The following FHIT variants were observed in gnomAD, a reference collection of about 807,000 sequenced individuals.
FHIT encodes bis(5'-adenosyl)-triphosphatase.
A neutral mutation model predicts 17.9 loss-of-function variants in FHIT; 19 were observed. The observed-to-expected ratio is 1.06, with a 90% CI of 0.74 to 1.56. FHIT has a LOEUF of 1.56. Ranked by LOEUF, FHIT falls within the 40% of genes most tolerant of loss-of-function variation. FHIT has a pLI of 0.00. For missense variants in FHIT, 248 were observed against 189.2 expected (o/e 1.31, Z -1.82); for synonymous variants, 81 against 69.7 (o/e 1.16, Z -0.81).
intron 4 of FHIT, among the ~76,000 whole-genome samples, chr3:60,714,155 G>T (rs2041616662): frequency 6.6e-6 from 1 of 152,106 alleles, no homozygotes; most frequent in Non-Finnish European, 1.5e-5. Context: ...ATGTAATCCA[G>T]CATATAAACA....
chr3:60,023,932 G>C (rs1700644083), intron 5 of FHIT, among the ~76,000 whole-genome samples: 2 of 151,412 alleles, frequency 1.3e-5, no homozygotes. Flanking sequence ...AAAGACCAGT[G>C]AACCAGTCCA....
At chr3:59,941,292 G>A (rs901799459) in intron 7 of FHIT, among the ~76,000 whole-genome samples, 2 of 152,224 alleles carry the variant, frequency 1.3e-5, no homozygotes, top group Non-Finnish European at 2.9e-5. Flanking sequence ...GGGCAGGAGG[G>A]TGGATCAGAC....
Position 60,011,311 on chromosome 3 carries a change from T to C in FHIT, c.279+60A>G, listed in dbSNP as rs948970573. ...ATGTGCTGCATATGACTCGTTGTGA[T>C]TTTTTATTAGTTCTCATAATCGCCT... is the stretch of plus-strand genomic sequence containing the variant. On this transcript the variant is annotated intron_variant, in intron 7 of 9. Coordinates refer to ENST00000492590, the MANE Select transcript of FHIT (RefSeq NM_002012.4). The C allele has an allele frequency of 4.6e-6, 7 of 1,532,544 alleles. No individual in the cohort carries two copies. The African/African-American group carries it at 9.5e-5, about 21-fold the overall frequency. 94.9% of individuals were successfully genotyped at this position (1,532,544 alleles called of 1,614,324 possible). A position where few individuals can be genotyped will look rare whatever the true frequency, so the allele number is the denominator to read the frequency against.
intron 4 of FHIT, among the ~76,000 whole-genome samples, chr3:60,768,322 C>A (rs1251986787): frequency 1.3e-5 from 2 of 152,186 alleles, no homozygotes; most frequent in East Asian, 3.9e-4. Context: ...GCTTCTCAAA[C>A]TTTTACCAGA....
At chr3:61,216,490 A>C (rs2039680085) in intron 1 of FHIT, among the ~76,000 whole-genome samples, 1 of 152,206 alleles carries the variant, frequency 6.6e-6, no homozygotes, top group Non-Finnish European at 1.5e-5. Context: ...AAAGTCAGGA[A>C]ACAACAGGTG....
intron 2 of FHIT, among the ~76,000 whole-genome samples, chr3:61,138,584 G>A (rs11130818): frequency 5.3e-5 from 8 of 152,146 alleles, no homozygotes; most frequent in South Asian, 2.1e-4. Context: ...TGATGGTGGC[G>A]CTGACAAAAA....
At chr3:60,250,232 G>C (rs1046189294) in intron 5 of FHIT, among the ~76,000 whole-genome samples, 2 of 152,074 alleles carry the variant, frequency 1.3e-5, no homozygotes, top group African/African-American at 4.8e-5. Flanking sequence ...AATTATCCTA[G>C]CCAATAAATT....
chr3:60,917,438 C>T (rs562460401), intron 3 of FHIT, among the ~76,000 whole-genome samples: 6 of 152,280 alleles, frequency 3.9e-5, no homozygotes, highest in South Asian at 2.1e-4. Flanking sequence ...TAAATCAGAT[C>T]GCATCATTTC....
intron 4 of FHIT, among the ~76,000 whole-genome samples, chr3:60,665,497 G>A (rs974175433): frequency 6.6e-6 from 1 of 151,862 alleles, no homozygotes; most frequent in Non-Finnish European, 1.5e-5. Flanking sequence ...CTTCCAGGTG[G>A]ATCCATTCTT....
intron 5 of FHIT, among the ~76,000 whole-genome samples, chr3:60,518,334 A>G (rs1296372715): frequency 1.3e-5 from 2 of 152,244 alleles, no homozygotes; most frequent in Admixed American, 6.5e-5. Flanking sequence ...GCACCTTCAT[A>G]GGTAACTTAT....
At chr3:60,274,817 C>G (rs1382974971) in intron 5 of FHIT, among the ~76,000 whole-genome samples, 1 of 152,070 alleles carries the variant, frequency 6.6e-6, no homozygotes, top group Non-Finnish European at 1.5e-5. Context: ...CCCAGCACAG[C>G]CTATGTATTG....
chr3:60,372,996 A>C (rs865960920), intron 5 of FHIT, among the ~76,000 whole-genome samples: 14 of 152,294 alleles, frequency 9.2e-5, no homozygotes, highest in South Asian at 4.2e-4. Context: ...CTACCAAATA[A>C]AAATGTCAAA....
At chr3:60,932,283 T>C (rs761087046) in intron 3 of FHIT, among the ~76,000 whole-genome samples, 24 of 152,162 alleles carry the variant, frequency 1.6e-4, no homozygotes, top group Non-Finnish European at 3.1e-4. Context: ...TCCTACAGTT[T>C]AAGTATCCAA....
intron 5 of FHIT, among the ~76,000 whole-genome samples, chr3:60,189,043 T>C (rs1014745510): frequency 9.9e-5 from 15 of 152,104 alleles, no homozygotes; most frequent in Non-Finnish European, 1.9e-4. Flanking sequence ...ACACCAGCAT[T>C]TCTCTCCTCA....
intron 3 of FHIT, among the ~76,000 whole-genome samples, chr3:60,896,768 C>G (rs1479407878): frequency 6.6e-6 from 1 of 152,110 alleles, no homozygotes. Flanking sequence ...TAGTTAGGTT[C>G]ATTTACTCTG....
intron 8 of FHIT, among the ~76,000 whole-genome samples, chr3:59,842,531 C>T (rs539009520): frequency 1.3e-5 from 2 of 152,254 alleles, no homozygotes; most frequent in South Asian, 4.1e-4. Context: ...TACACTCCCA[C>T]CAACAGTGCA....
At chr3:60,938,248 T>C (rs1349698994) in intron 3 of FHIT, among the ~76,000 whole-genome samples, 1 of 152,150 alleles carries the variant, frequency 6.6e-6, no homozygotes, top group African/African-American at 2.4e-5. Flanking sequence ...AGGAAAAGAC[T>C]TAAGCTTCCT....
chr3:60,710,091 A>AC (rs1384594534), intron 4 of FHIT, among the ~76,000 whole-genome samples: 1 of 151,818 alleles, frequency 6.6e-6, no homozygotes. Context: ...AAAAAAAAAA[A>AC]AAAACTCAAC....
chr3:60,159,493 G>T (rs892317238), intron 5 of FHIT, among the ~76,000 whole-genome samples: 1 of 152,004 alleles, frequency 6.6e-6, no homozygotes, highest in Non-Finnish European at 1.5e-5. Context: ...ATTTTCGTAT[G>T]GTTTAAATTA....
Sources: allele counts gnomAD v4.1 joint callset (sites outside exome capture counted in the v4.1 genomes callset), GRCh38; gene constraint gnomAD v4.1.1; transcripts MANE v1.5; gene names NCBI Gene and HGNC (gene_info 2026-07-23, HGNC 2026-07-21).